SNX29: variants seen among roughly 807,000 people sequenced by gnomAD.
SNX29 encodes the protein sorting nexin-29.
A neutral mutation model predicts 102.1 loss-of-function variants in SNX29; 78 were observed. The ratio of observed to expected loss-of-function variants is 0.76; its 90% CI spans 0.64 to 0.92. SNX29 has a LOEUF of 0.92. Ranked by LOEUF, SNX29 falls within the 40% of genes least tolerant of loss-of-function variation. The pLI, the probability that SNX29 is intolerant of heterozygous loss-of-function variation, is 0.00. For synonymous variants in SNX29, 580 were observed against 414.5 expected, an observed-to-expected ratio of 1.40 and a Z score of -4.85; for missense variants, 1,280 against 1,061.7, an observed-to-expected ratio of 1.21 and a Z score of -2.86.
rs1026009365 is a variant in SNX29 at position 12,568,785 on chromosome 16, C to CT, written c.*157dup. On this transcript the variant is annotated 3_prime_UTR_variant, in exon 21 of 21. Transcript: ENST00000566228. ...ACAGTTACACAACACCCCGATTAAA[C>CT]TAATCAGTCTTCGAGCCGCATGATA... 2 of 1,184,350 alleles carry CT rather than the reference C, an allele frequency of 1.7e-6. No individual in the cohort carries two copies. Among genetic ancestry groups the CT allele is most frequent in the African/African-American group, 3.1e-5 (2 of 64,968 alleles). 73.4% of individuals were successfully genotyped at this position (1,184,350 alleles called of 1,614,324 possible).
chr16:11,991,597 C>T (rs2055851552), intron 1 of SNX29, among the ~76,000 whole-genome samples: 1 of 151,850 alleles, frequency 6.6e-6, no homozygotes, highest in Non-Finnish European at 1.5e-5. Context: ...GGCTGGAGTG[C>T]AGCGGTGTGA....
At chr16:12,241,969 C>G (rs549283754) in intron 14 of SNX29, among the ~76,000 whole-genome samples, 2 of 152,248 alleles carry the variant, frequency 1.3e-5, no homozygotes, top group African/African-American at 4.8e-5. Context: ...TGCGCCGACT[C>G]CAGCATGCTC....
chr16:12,114,736 CCCA>C (rs554731684), intron 11 of SNX29, among the ~76,000 whole-genome samples: 417 of 151,896 alleles, frequency 2.7e-3, no homozygotes, highest in African/African-American at 9.4e-3. Context: ...ACAGGTGCCC[CCCA>C]CCATGCCTGG....
chr16:12,133,428 T>C (rs748799361), intron 13 of SNX29, among the ~76,000 whole-genome samples: 40 of 151,800 alleles, frequency 2.6e-4, no homozygotes, highest in Non-Finnish European at 5.0e-4. Flanking sequence ...TAGCTGGGAC[T>C]ACAGGCATGC....
chr16:12,337,722 C>T (rs2081494353), intron 15 of SNX29, among the ~76,000 whole-genome samples: 1 of 152,168 alleles, frequency 6.6e-6, no homozygotes, highest in Non-Finnish European at 1.5e-5. Flanking sequence ...GAAGGATTGT[C>T]ATTCAGTGAC....
At chr16:12,469,720 C>T (rs2087243497) in intron 18 of SNX29, among the ~76,000 whole-genome samples, 1 of 152,138 alleles carries the variant, frequency 6.6e-6, no homozygotes. Flanking sequence ...TACAAAACTG[C>T]AGGGCTGGCT....
intron 19 of SNX29, among the ~76,000 whole-genome samples, chr16:12,522,157 G>A (rs1438542922): frequency 6.6e-6 from 1 of 152,230 alleles, no homozygotes; most frequent in Non-Finnish European, 1.5e-5. Flanking sequence ...AGTGAAATTG[G>A]AAGTTCAGAT....
chr16:12,323,207 A>C (rs1385353904), intron 15 of SNX29, among the ~76,000 whole-genome samples: 1 of 134,854 alleles, frequency 7.4e-6, no homozygotes, highest in African/African-American at 2.7e-5. Context: ...GGATGTGGTC[A>C]CTGGAGTCAC....
intron 18 of SNX29, among the ~76,000 whole-genome samples, chr16:12,413,508 G>A (rs537693622): frequency 4.2e-4 from 64 of 152,218 alleles, no homozygotes; most frequent in African/African-American, 1.4e-3. Flanking sequence ...GGTGGAGACA[G>A]CAGGAAGGAT....
Position 12,554,741 on chromosome 16 carries a change from T to C in SNX29, c.2319-13765T>C, listed in dbSNP as rs566365889. On this transcript the variant is annotated intron_variant, in intron 20 of 20. Transcript: ENST00000566228. ...TCTTTCAGTCTTTCAGTTTGCATTT[T>C]CCTTAAGTGTATTAGAACGTGCTCT... 1.4e-4 allele frequency among the ~76,000 whole-genome samples: 22 copies of C among 152,306 alleles called. 1 individual carries two copies. In the South Asian group the frequency reaches 4.6e-3, roughly 32 times the overall value.
intron 19 of SNX29, among the ~76,000 whole-genome samples, chr16:12,522,807 T>A (rs140897990): frequency 1.3e-5 from 2 of 152,262 alleles, no homozygotes; most frequent in African/African-American, 4.8e-5. Flanking sequence ...TAGTTCCTTA[T>A]AGCAGTGTGA....
At chr16:12,019,352 C>T (rs1170800004) in intron 3 of SNX29, among the ~76,000 whole-genome samples, 2 of 152,052 alleles carry the variant, frequency 1.3e-5, no homozygotes, top group Non-Finnish European at 2.9e-5. Context: ...GGACTACAGG[C>T]CCGCCACCAT....
chr16:12,030,997 C>T (rs768161375), intron 4 of SNX29, among the ~76,000 whole-genome samples: 5 of 152,202 alleles, frequency 3.3e-5, no homozygotes, highest in Non-Finnish European at 7.3e-5. Context: ...ATGCCAGATC[C>T]TGTGTGGGGC....
chr16:12,123,918 A>T (rs1009639615), intron 11 of SNX29, among the ~76,000 whole-genome samples: 1 of 152,176 alleles, frequency 6.6e-6, no homozygotes, highest in Non-Finnish European at 1.5e-5. Flanking sequence ...GGAAAGCTTT[A>T]CTGGTCCCTG....
intron 20 of SNX29, among the ~76,000 whole-genome samples, chr16:12,544,730 T>G (rs958722182): frequency 6.6e-6 from 1 of 152,114 alleles, no homozygotes; most frequent in Non-Finnish European, 1.5e-5. Context: ...AGGGGAAACC[T>G]CGGCCCAGAG....
chr16:12,539,167 T>C (rs1161684109), intron 20 of SNX29, among the ~76,000 whole-genome samples: 1 of 152,230 alleles, frequency 6.6e-6, no homozygotes, highest in African/African-American at 2.4e-5. Flanking sequence ...CTTGTTCATG[T>C]CTGTGAATTT....
At chr16:12,240,568 G>A (rs1220901096) in intron 14 of SNX29, among the ~76,000 whole-genome samples, 1 of 124,486 alleles carries the variant, frequency 8.0e-6, no homozygotes, top group Admixed American at 8.4e-5. Context: ...TTATAAAATA[G>A]CATTTCTTTG....
intron 18 of SNX29, among the ~76,000 whole-genome samples, chr16:12,424,728 C>T (rs1288871651): frequency 6.6e-6 from 1 of 152,138 alleles, no homozygotes; most frequent in Non-Finnish European, 1.5e-5. Context: ...TGGGGGGATA[C>T]CTGTAACAGA....
chr16:12,237,335 T>C (rs1433644663), intron 14 of SNX29, among the ~76,000 whole-genome samples: 1 of 152,244 alleles, frequency 6.6e-6, no homozygotes, highest in Non-Finnish European at 1.5e-5. Context: ...TGCCTCTGTC[T>C]GGGAGTGGGC....
Sources: allele counts gnomAD v4.1 joint callset (sites outside exome capture counted in the v4.1 genomes callset), GRCh38; gene constraint gnomAD v4.1.1; transcripts MANE v1.5; gene names NCBI Gene and HGNC (gene_info 2026-07-23, HGNC 2026-07-21).